Variants in ZNF536 observed in about 807,000 individuals in gnomAD.
ZNF536 encodes zinc finger protein 536.
In ZNF536, 13 loss-of-function variants were observed where a neutral mutation model predicts 84.5. That is an observed-to-expected ratio of 0.15 (90% CI 0.10 to 0.24). The LOEUF (loss-of-function observed/expected upper bound fraction) is 0.24, where lower values mean the gene tolerates loss of function less well. Among genes scored for constraint, ZNF536 ranks in the 10% least tolerant of loss-of-function variants. The pLI, the probability that ZNF536 is intolerant of heterozygous loss-of-function variation, is 1.00. For synonymous variants in ZNF536, 811 were observed against 742.5 expected (o/e 1.09, Z -1.50); for missense variants, 1,536 against 1,747.5 (o/e 0.88, Z 2.16).
chr19:30,472,594 G>A (rs553828549), intron 2 of ZNF536, among the ~76,000 whole-genome samples: 188 of 152,282 alleles, frequency 1.2e-3, no homozygotes, highest in African/African-American at 4.0e-3. Context: ...ATGGATAAAC[G>A]CACTTCGAGG....
chr19:30,707,774 C>T (rs952361432), intron 1 of ZNF536, among the ~76,000 whole-genome samples: 4 of 151,956 alleles, frequency 2.6e-5, no homozygotes, highest in African/African-American at 9.7e-5. Flanking sequence ...CTTTGGGAGG[C>T]CAAAGTGGGT....
Position 30,298,633 on chromosome 19 carries a change from C to T in ZNF536, c.-120+14492C>T, listed in dbSNP as rs1332866741. 2.6e-5 allele frequency among the ~76,000 whole-genome samples: 4 copies of T among 152,176 alleles called. No individual in the cohort carries two copies. In the East Asian group the frequency reaches 5.8e-4, roughly 22 times the overall value. ...CTTGAGACCAAGGAATACATTATAG[C>T]GATGGTTTCAGGATTGCTGGGAGAA... On this transcript the variant is annotated intron_variant, in intron 2 of 5. Coordinates refer to the ZNF536 transcript ENST00000585628.
chr19:30,246,745 C>T (rs2024301910), intron 1 of ZNF536, among the ~76,000 whole-genome samples: 2 of 152,194 alleles, frequency 1.3e-5, no homozygotes. Flanking sequence ...ACCTCTTGGG[C>T]TAAAAACTAT....
upstream of ZNF536, among the ~76,000 whole-genome samples, chr19:30,371,477 G>T (rs1056860354): frequency 6.6e-6 from 1 of 151,970 alleles, no homozygotes; most frequent in Non-Finnish European, 1.5e-5. Context: ...CTTGCCATTG[G>T]CATATGCGTT....
intron 2 of ZNF536, among the ~76,000 whole-genome samples, chr19:30,493,808 G>A (rs2054607778): frequency 6.6e-6 from 1 of 152,108 alleles, no homozygotes; most frequent in Non-Finnish European, 1.5e-5. Flanking sequence ...GCGGGGGCCA[G>A]AAAATTCTAG....
chr19:30,320,799 G>A (rs1451408120), intron 2 of ZNF536, among the ~76,000 whole-genome samples: 1 of 152,228 alleles, frequency 6.6e-6, no homozygotes, highest in East Asian at 1.9e-4. Flanking sequence ...CTTGGCTCCC[G>A]GGAGAATCAG....
intron 1 of ZNF536, among the ~76,000 whole-genome samples, chr19:30,419,026 A>G (rs1316383782): frequency 6.6e-6 from 1 of 152,252 alleles, no homozygotes; most frequent in Admixed American, 6.5e-5. Flanking sequence ...AATACACAAT[A>G]GCATTCAGAA....
At chr19:30,617,239 G>C (rs1337101662) in intron 1 of ZNF536, among the ~76,000 whole-genome samples, 1 of 145,496 alleles carries the variant, frequency 6.9e-6, no homozygotes, top group African/African-American at 2.5e-5. Context: ...GTCCCAAGCA[G>C]TGTACACTAA....
intron 1 of ZNF536, among the ~76,000 whole-genome samples, chr19:30,266,245 T>C (rs1169837052): frequency 2.6e-5 from 4 of 152,152 alleles, no homozygotes; most frequent in Non-Finnish European, 5.9e-5. Flanking sequence ...AGAGGGGGTC[T>C]CACTTTGTTG....
At chr19:30,423,045 CTACA>C in intron 1 of ZNF536, among the ~76,000 whole-genome samples, 1 of 100,246 alleles carries the variant, frequency 1.0e-5, no homozygotes, top group African/African-American at 4.1e-5. Flanking sequence ...ATCTGCTCAT[CTACA>C]CATCCATCCA....
At chr19:30,400,974 C>T (rs1180083501) in intron 1 of ZNF536, among the ~76,000 whole-genome samples, 1 of 152,164 alleles carries the variant, frequency 6.6e-6, no homozygotes, top group Admixed American at 6.6e-5. Context: ...ATATTATCTT[C>T]TAAAAGTTTC....
intron 1 of ZNF536, among the ~76,000 whole-genome samples, chr19:30,642,068 AT>A (rs1341654011): frequency 6.6e-6 from 1 of 152,204 alleles, no homozygotes; most frequent in Non-Finnish European, 1.5e-5. Context: ...GATGGGGGCC[AT>A]TGCTGATATG....
intron 1 of ZNF536, among the ~76,000 whole-genome samples, chr19:30,592,637 T>C (rs2047314465): frequency 6.6e-6 from 1 of 152,052 alleles, no homozygotes; most frequent in Admixed American, 6.6e-5. Context: ...TTGTGAATCC[T>C]AACTGGCTGT....
chr19:30,230,052 A>G (rs2022918600), intron 1 of ZNF536, among the ~76,000 whole-genome samples: 1 of 152,214 alleles, frequency 6.6e-6, no homozygotes, highest in Admixed American at 6.5e-5. Context: ...GACCAATGGC[A>G]GGGACTCTGA....
At chr19:30,244,335 G>T (rs990165185) in intron 1 of ZNF536, among the ~76,000 whole-genome samples, 9 of 152,102 alleles carry the variant, frequency 5.9e-5, no homozygotes, top group Non-Finnish European at 1.2e-4. Context: ...GTTACATTAA[G>T]GCCAAATTCC....
In ZNF536 at chr19:30,235,753, G is replaced by A. The variant is rs1442698617; in HGVS notation, c.-190+7080G>A. On this transcript the variant is annotated intron_variant, in intron 1 of 5. Coordinates refer to the ZNF536 transcript ENST00000585628. ...ATGTCTTCCAAATTATTATGGAAAG[G>A]CCGTCATTTATATGAAGCCTATTGA... is the stretch of plus-strand genomic sequence containing the variant. 2.0e-5 allele frequency among the ~76,000 whole-genome samples: 3 copies of A among 152,160 alleles called. No homozygotes were observed. In the East Asian group the frequency reaches 5.8e-4, roughly 29 times the overall value.
chr19:30,521,953 C>T (rs1205966806), intron 2 of ZNF536, among the ~76,000 whole-genome samples: 6 of 152,114 alleles, frequency 3.9e-5, no homozygotes, highest in African/African-American at 1.2e-4. Context: ...ACAGTGAAAA[C>T]TTAGCTAAAA....
chr19:30,255,222 C>A (rs1030536461), intron 1 of ZNF536, among the ~76,000 whole-genome samples: 1 of 151,824 alleles, frequency 6.6e-6, no homozygotes, highest in Non-Finnish European at 1.5e-5. Flanking sequence ...GGGTGATTGT[C>A]GGTGGGGTTT....
intron 1 of ZNF536, among the ~76,000 whole-genome samples, chr19:30,242,520 G>T (rs982604493): frequency 2.0e-5 from 3 of 152,210 alleles, no homozygotes; most frequent in African/African-American, 7.2e-5. Flanking sequence ...GGCTGCAGTG[G>T]TGTTCCGTAT....
Sources: allele counts gnomAD v4.1 joint callset (sites outside exome capture counted in the v4.1 genomes callset), GRCh38; gene constraint gnomAD v4.1.1; transcripts MANE v1.5; gene names NCBI Gene and HGNC (gene_info 2026-07-23, HGNC 2026-07-21).